The following ARHGEF10 variants were observed in gnomAD, a reference collection of about 807,000 sequenced individuals.
The protein encoded by ARHGEF10 is Rho guanine nucleotide exchange factor 10, also known as Rho guanine nucleotide exchange factor (GEF) 10.
Under a neutral mutation model 147.4 loss-of-function variants are expected in ARHGEF10, and 140 were observed. The ratio of observed to expected loss-of-function variants is 0.95; its 90% CI spans 0.83 to 1.09. ARHGEF10 has a LOEUF of 1.09. Among genes scored for constraint, ARHGEF10 ranks in the 50% least tolerant of loss-of-function variants. The pLI, the probability that ARHGEF10 is intolerant of heterozygous loss-of-function variation, is 0.00. For synonymous variants in ARHGEF10, 902 were observed against 695.8 expected (o/e 1.30, Z -4.67); for missense variants, 2,222 against 1,752.7 (o/e 1.27, Z -4.78).
At chr8:1,912,757 G>C (rs1444757125) in intron 18 of ARHGEF10, among the ~76,000 whole-genome samples, 2 of 152,168 alleles carry the variant, frequency 1.3e-5, no homozygotes, top group African/African-American at 2.4e-5. Flanking sequence ...GTCCCCTATG[G>C]ATCCATGGAT....
At chr8:1,850,158 G>GTGGGCA (rs1563174444) in intron 2 of ARHGEF10, among the ~76,000 whole-genome samples, 3 of 40,414 alleles carry the variant, frequency 7.4e-5, no homozygotes, top group African/African-American at 3.5e-4. Flanking sequence ...GGGCGGCCAC[G>GTGGGCA]TGGACACAGA....
intron 26 of ARHGEF10, among the ~76,000 whole-genome samples, chr8:1,935,870 C>T (rs1167704024): frequency 6.6e-6 from 1 of 152,210 alleles, no homozygotes; most frequent in Non-Finnish European, 1.5e-5. Flanking sequence ...CCTAAATGCA[C>T]GCCCATGGGG....
In ARHGEF10 at chr8:1,919,771, T is replaced by C. The variant is rs190216265; in HGVS notation, c.2144-3193T>C. ...AACTGTTCTGTCAGTGATGGAGCTG[T>C]TCTATGGGTGATGGAGCTGTTCTGT... On this transcript the variant is annotated intron_variant, in intron 18 of 28. Transcript: ENST00000349830. Among the ~76,000 whole-genome samples the C allele has an allele frequency of 2.3e-4, 34 of 149,022 alleles. 1 individual carries two copies. The highest frequency in any genetic ancestry group is 7.6e-4 in the African/African-American group (30 of 39,590).
intron 5 of ARHGEF10, among the ~76,000 whole-genome samples, chr8:1,865,486 C>A (rs1249784707): frequency 1.3e-5 from 2 of 151,888 alleles, no homozygotes; most frequent in African/African-American, 4.8e-5. Context: ...GGGGCCATCA[C>A]CAGGACACGG....
chr8:1,870,843 T>A (rs1038969787), intron 7 of ARHGEF10: 6 of 152,200 alleles, frequency 3.9e-5, no homozygotes, highest in African/African-American at 1.4e-4. Context: ...CCAGGCACGG[T>A]CGCTCACGCC....
chr8:1,850,272 AGGGTGTGGGGCGGCCGCGT>A (rs1805006210), intron 2 of ARHGEF10, among the ~76,000 whole-genome samples: 1 of 129,318 alleles, frequency 7.7e-6, no homozygotes, highest in Non-Finnish European at 1.7e-5. Context: ...AATGCTGAGG[AGGGTGTGGGGCGGCCGCGT>A]GGGCATGGAC....
intron 3 of ARHGEF10, 53 bp downstream of exon 3, chr8:1,858,168 G>T: frequency 7.2e-7 from 1 of 1,394,430 alleles, no homozygotes; most frequent in Admixed American, 2.5e-5. Flanking sequence ...CCCCAGGTGA[G>T]TCCCCAGGTG....
intron 11 of ARHGEF10, among the ~76,000 whole-genome samples, chr8:1,888,326 TGTTGACTG>T: frequency 1.6e-5 from 1 of 62,118 alleles, no homozygotes; most frequent in Admixed American, 1.4e-4. Flanking sequence ...CTGAGTGGGA[TGTTGACTG>T]TGAGGAGACA....
intron 9 of ARHGEF10, among the ~76,000 whole-genome samples, chr8:1,880,898 G>A (rs1808132762): frequency 6.6e-6 from 1 of 152,200 alleles, no homozygotes. Flanking sequence ...TTGTGCTTGG[G>A]CCATCAGAAG....
chr8:1,935,889 A>G (rs1490818600), intron 26 of ARHGEF10, among the ~76,000 whole-genome samples: 2 of 152,234 alleles, frequency 1.3e-5, no homozygotes, highest in African/African-American at 4.8e-5. Context: ...GGGCACGTGC[A>G]GGGAAGCAGG....
rs78979022 is a variant in ARHGEF10 at position 1,862,228 on chromosome 8, G to C, written c.481+2044G>C. 5.9e-3 allele frequency among the ~76,000 whole-genome samples: 897 copies of C among 152,352 alleles called. 62 individuals carry two copies. The East Asian group carries it at 0.14, about 24-fold the overall frequency. On this transcript the variant is annotated intron_variant, in intron 4 of 28. Transcript: ENST00000349830. ...GTTCCTTGCTCTGGAGCCTCCCTGG[G>C]GCGGGGCGGCCGCCTGGCTCTGCAG...
At chr8:1,871,553 C>T (rs555637722) in intron 7 of ARHGEF10, among the ~76,000 whole-genome samples, 2 of 152,228 alleles carry the variant, frequency 1.3e-5, no homozygotes, top group South Asian at 4.1e-4. Context: ...GGCGCGGTGG[C>T]TCACACCTGT....
At chr8:1,854,837 A>G (rs181998318) in intron 2 of ARHGEF10, among the ~76,000 whole-genome samples, 2 of 152,278 alleles carry the variant, frequency 1.3e-5, no homozygotes, top group Non-Finnish European at 2.9e-5. Context: ...TTCCCACTGC[A>G]CCTTGCTGGG....
At chr8:1,832,421 G>GGC (rs201835631) in intron 1 of ARHGEF10, among the ~76,000 whole-genome samples, 3 of 126,336 alleles carry the variant, frequency 2.4e-5, no homozygotes, top group African/African-American at 6.0e-5. Context: ...CAGAGACAGA[G>GGC]AGAGACAGAG....
chr8:1,898,974 G>A (rs1691251007), intron 15 of ARHGEF10, among the ~76,000 whole-genome samples: 1 of 152,220 alleles, frequency 6.6e-6, no homozygotes, highest in Admixed American at 6.5e-5. Flanking sequence ...GCTAAGAATA[G>A]ATTTAAACAA....
intron 17 of ARHGEF10, among the ~76,000 whole-genome samples, chr8:1,908,285 C>T (rs1261811163): frequency 2.9e-5 from 4 of 138,688 alleles, no homozygotes; most frequent in African/African-American, 5.6e-5. Flanking sequence ...GGCTGGAGTG[C>T]TGTGGCTCGA....
upstream of ARHGEF10, among the ~76,000 whole-genome samples, chr8:1,823,588 A>G (rs891358731): frequency 7.9e-5 from 12 of 151,666 alleles, no homozygotes; most frequent in Middle Eastern, 3.2e-3. Flanking sequence ...CTGAGCCGGG[A>G]GCAGGCTCTG....
chr8:1,957,140 C>T lies in ARHGEF10; in HGVS notation c.3912C>T (p.Ser1304=), dbSNP rs1439045225. ...KARRAKKAKA[S]SALVVCGGQG... ...GCCGGGCCAAGAAAGCCAAGGCCAG[C>T]TCGGCGCTGGTGGTCTGTGGAGGGC... Residue 1304 remains serine, a synonymous_variant, in exon 29 of 29, where the codon AGC becomes AGT. Coordinates refer to ENST00000349830, the MANE Select transcript of ARHGEF10 (RefSeq NM_014629.4). 1 of 1,612,848 alleles carries T rather than the reference C, an allele frequency of 6.2e-7. No individual in the cohort carries two copies. The highest frequency in any genetic ancestry group is 1.3e-5 in the African/African-American group (1 of 75,062).
chr8:1,883,945 C>T lies in ARHGEF10; in HGVS notation c.1075+1196C>T, dbSNP rs576211501. Among the ~76,000 whole-genome samples the T allele has an allele frequency of 7.9e-5, 12 of 152,288 alleles. No homozygotes were observed. In the South Asian group the frequency reaches 1.2e-3, roughly 16 times the overall value. Reference sequence around the variant, plus strand: ...CCCACCTGGAGCCCATGCCAGGCCCCTGAGCCAGGATTTGCAGGCTGGCAG... The same window carrying T: ...CCCACCTGGAGCCCATGCCAGGCCCTTGAGCCAGGATTTGCAGGCTGGCAG... On this transcript the variant is annotated intron_variant, in intron 10 of 28. Coordinates refer to ENST00000349830, the MANE Select transcript of ARHGEF10 (RefSeq NM_014629.4).
Sources: gnomAD v4.1 joint callset for allele counts (sites outside exome capture counted in the v4.1 genomes callset) on GRCh38, gnomAD v4.1.1 for gene constraint, MANE v1.5 for transcripts, NCBI Gene and HGNC (gene_info 2026-07-23, HGNC 2026-07-21) for gene names.